The following ABHD17B variants were observed in gnomAD, a reference collection of about 807,000 sequenced individuals.
The protein encoded by ABHD17B is alpha/beta hydrolase domain-containing protein 17B.
ABHD17B carries 9 observed loss-of-function variants against 26.2 expected under a neutral mutation model. That is an observed-to-expected ratio of 0.34 (90% confidence interval 0.21 to 0.60). The LOEUF is 0.60. Among genes scored for constraint, ABHD17B ranks in the 20% least tolerant of loss-of-function variants. The pLI is 0.80. For missense variants in ABHD17B, 224 were observed against 352.1 expected, an observed-to-expected ratio of 0.64 and a Z score of 2.91; for synonymous variants, 127 against 122.3, an observed-to-expected ratio of 1.04 and a Z score of -0.25.
At chr9:71,905,526 T>C (rs1389038088) in intron 1 of ABHD17B, among the ~76,000 whole-genome samples, 1 of 152,186 alleles carries the variant, frequency 6.6e-6, no homozygotes, top group Admixed American at 6.5e-5. Context: ...CTCTCATGCA[T>C]TATGGACTGG....
chr9:71,865,205 T>C lies in ABHD17B; in HGVS notation c.*1582A>G. 1 of 985,604 alleles carries C rather than the reference T, an allele frequency of 1.0e-6. No individual in the cohort carries two copies. The highest frequency in any genetic ancestry group is 1.2e-6 in the Non-Finnish European group (1 of 829,926). The allele number at this position is 985,604 out of a possible 1,614,324, so 61.1% of individuals were successfully genotyped here. The stretch of plus-strand genomic sequence containing the variant: ...AATTTGACACATCTGAACCAAAGCA[T>C]TCACAATACTTGATATACTTTGAAG... On this transcript the variant is annotated 3_prime_UTR_variant, in exon 4 of 4. Transcript: ENST00000333421.
chr9:71,891,098 C>T (rs188117367), intron 1 of ABHD17B, among the ~76,000 whole-genome samples: 1 of 152,288 alleles, frequency 6.6e-6, no homozygotes, highest in Admixed American at 6.5e-5. Flanking sequence ...TCCACACTTA[C>T]AGCAAACTAG....
At chr9:71,889,444 T>A (rs1018303505) in intron 1 of ABHD17B, among the ~76,000 whole-genome samples, 2 of 152,300 alleles carry the variant, frequency 1.3e-5, no homozygotes, top group Middle Eastern at 3.4e-3. Context: ...CTCCAACTCA[T>A]AAGAGTAGAG....
intron 3 of ABHD17B, among the ~76,000 whole-genome samples, chr9:71,868,051 A>AC (rs1315729355): frequency 2.6e-5 from 1 of 38,874 alleles, no homozygotes; most frequent in African/African-American, 7.4e-5. Context: ...TACTAAAAAT[A>AC]CAAAAAAAAA....
At chr9:71,905,159 G>A (rs1827248386) in intron 1 of ABHD17B, among the ~76,000 whole-genome samples, 2 of 151,220 alleles carry the variant, frequency 1.3e-5, no homozygotes, top group South Asian at 4.2e-4. Flanking sequence ...GTCTCATTGT[G>A]TCCCCCAGGC....
chr9:71,899,859 G>A (rs1394832843), intron 1 of ABHD17B, among the ~76,000 whole-genome samples: 23 of 149,406 alleles, frequency 1.5e-4, no homozygotes, highest in African/African-American at 1.5e-4. Context: ...GTCCTTACAG[G>A]AAAAAAAAAA....
downstream of ABHD17B, among the ~76,000 whole-genome samples, chr9:71,864,441 G>A (rs183908623): frequency 1.0e-3 from 154 of 151,606 alleles, 2 homozygotes; most frequent in East Asian, 0.025. Flanking sequence ...GGATGGTCTC[G>A]ATCTCCTGAC....
intron 1 of ABHD17B, among the ~76,000 whole-genome samples, chr9:71,894,789 C>A (rs1826905644): frequency 6.6e-6 from 1 of 151,878 alleles, no homozygotes; most frequent in African/African-American, 2.4e-5. Flanking sequence ...CACACCATGG[C>A]ACTACCAGTC....
intron 2 of ABHD17B, among the ~76,000 whole-genome samples, chr9:71,871,618 A>T (rs1338372890): frequency 6.6e-6 from 1 of 152,240 alleles, no homozygotes; most frequent in African/African-American, 2.4e-5. Flanking sequence ...GCTCAAGGAT[A>T]GAGTCGCAGA....
chr9:71,901,040 T>C (rs1004885581), intron 1 of ABHD17B, among the ~76,000 whole-genome samples: 5 of 151,962 alleles, frequency 3.3e-5, no homozygotes, highest in African/African-American at 1.2e-4. Context: ...TAGTCCCAGC[T>C]ACTCAGGAGG....
intron 1 of ABHD17B, among the ~76,000 whole-genome samples, chr9:71,894,556 C>T (rs1329318882): frequency 6.6e-6 from 1 of 152,132 alleles, no homozygotes; most frequent in African/African-American, 2.4e-5. Context: ...GGCATTATTA[C>T]TAAAAAATTA....
intron 3 of ABHD17B, among the ~76,000 whole-genome samples, chr9:71,869,393 A>C: frequency 6.6e-6 from 1 of 152,226 alleles, no homozygotes; most frequent in East Asian, 1.9e-4. Flanking sequence ...AAAGGAGAGA[A>C]AACTAAAATT....
In ABHD17B at chr9:71,872,752, T is replaced by G. The variant is rs76475106; in HGVS notation, c.467+1862A>C. 8.3e-3 allele frequency among the ~76,000 whole-genome samples: 1,265 copies of G among 152,230 alleles called. 18 individuals carry two copies. Among genetic ancestry groups the G allele is most frequent in the African/African-American group, 0.028 (1,175 of 41,564 alleles). ...ACTCAGTTTCTGTTTGTTTTAAGGC[T>G]TGATGGAACTGATATCAATATATGT... On this transcript the variant is annotated intron_variant, in intron 2 of 3. Coordinates refer to ENST00000333421, the MANE Select transcript of ABHD17B (RefSeq NM_001025780.3).
Position 71,874,736 on chromosome 9 carries a change from T to C in ABHD17B, c.345A>G (p.Gly115=), listed in dbSNP as rs1589214227. 3.7e-6 allele frequency: 6 copies of C among 1,614,190 alleles called. No homozygotes were observed. The highest frequency in any genetic ancestry group is 2.2e-5 in the South Asian group (2 of 91,086). The change falls in exon 2 of 4, where the codon GGA becomes GGG. Residue 115 remains glycine, a synonymous_variant. Coordinates refer to ENST00000333421, the MANE Select transcript of ABHD17B (RefSeq NM_001025780.3). ...GQMSSFYIGL[G]SRINCNIFSY... ...AGAATATATTACAATTAATCCGTGA[T>C]CCTAGTCCTATGTAAAAGCTGCTCA...
At chr9:71,902,899 T>C (rs1827184882) in intron 1 of ABHD17B, among the ~76,000 whole-genome samples, 1 of 152,228 alleles carries the variant, frequency 6.6e-6, no homozygotes, top group Admixed American at 6.5e-5. Flanking sequence ...GCCAAACAAG[T>C]TTGACATGAT....
chr9:71,875,116 A>G, intron 1 of ABHD17B, 33 bp from the exon 2 acceptor site: 1 of 1,527,424 alleles, frequency 6.5e-7, no homozygotes, highest in Non-Finnish European at 9.0e-7. Context: ...AAATATTTTA[A>G]TAACTGAATG....
chr9:71,864,094 A>G (rs1419423075), downstream of ABHD17B, among the ~76,000 whole-genome samples: 1 of 151,960 alleles, frequency 6.6e-6, no homozygotes, highest in Non-Finnish European at 1.5e-5. Flanking sequence ...TATACTCTTG[A>G]CAAGTGCTGT....
intron 1 of ABHD17B, among the ~76,000 whole-genome samples, chr9:71,904,050 C>G (rs139499420): frequency 2.0e-5 from 3 of 152,310 alleles, no homozygotes; most frequent in African/African-American, 7.2e-5. Context: ...TTGCTAATAT[C>G]TGAATTGCTA....
chr9:71,892,329 G>A (rs533852171), intron 1 of ABHD17B, among the ~76,000 whole-genome samples: 3 of 151,966 alleles, frequency 2.0e-5, no homozygotes, highest in South Asian at 2.1e-4. Context: ...TCAGGAGATC[G>A]AGACCATCCT....
Sources: allele counts gnomAD v4.1 joint callset (sites outside exome capture counted in the v4.1 genomes callset), GRCh38; gene constraint gnomAD v4.1.1; transcripts MANE v1.5; gene names NCBI Gene and HGNC (gene_info 2026-07-23, HGNC 2026-07-21).